MEGF9: variants seen among roughly 807,000 people sequenced by gnomAD.
MEGF9 encodes multiple EGF like domains 9.
In MEGF9, 6 loss-of-function variants were observed where a neutral mutation model predicts 46.8. The observed-to-expected ratio is 0.13, with a 90% CI of 0.07 to 0.25. MEGF9 has a LOEUF of 0.25. Ranked by LOEUF, MEGF9 falls within the 10% of genes least tolerant of loss-of-function variation. The pLI is 1.00. For synonymous variants in MEGF9, 302 were observed against 330.7 expected, an observed-to-expected ratio of 0.91 and a Z score of 0.94; for missense variants, 683 against 792.4, an observed-to-expected ratio of 0.86 and a Z score of 1.66.
intron 2 of MEGF9, among the ~76,000 whole-genome samples, chr9:120,636,080 T>G (rs1246227127): frequency 1.3e-5 from 2 of 152,154 alleles, no homozygotes; most frequent in African/African-American, 2.4e-5. Context: ...AATTAACACG[T>G]GTATGTCACC....
At chr9:120,702,718 T>A (rs376127300) in intron 1 of MEGF9, among the ~76,000 whole-genome samples, 1 of 152,126 alleles carries the variant, frequency 6.6e-6, no homozygotes, top group East Asian at 1.9e-4. Flanking sequence ...GAAGAGCTGA[T>A]GTAAGTGGGG....
At position 120,714,054 on chromosome 9, in the gene MEGF9, G is replaced by T; in HGVS notation, c.305C>A (p.Thr102Asn). The change falls in exon 1 of 6, where the codon ACC becomes AAC. Residue 102 changes from threonine to asparagine, a missense_variant. Coordinates refer to ENST00000373930, the MANE Select transcript of MEGF9 (RefSeq NM_001080497.3). ...TCCAGCAGTCGCCCAAAGAGGGGTGGTCTCCGGGGACTGGGCTGGAGAAGT... is the reference window on the plus strand; with the variant it reads ...TCCAGCAGTCGCCCAAAGAGGGGTGTTCTCCGGGGACTGGGCTGGAGAAGT... ...AATSPAQSPE[T>N]TPLWATAGPS... 1 of 1,303,570 alleles carries T rather than the reference G, an allele frequency of 7.7e-7. No homozygotes were observed. Among genetic ancestry groups the T allele is most frequent in the Non-Finnish European group, 9.8e-7 (1 of 1,023,694 alleles). The allele number at this position is 1,303,570 out of a possible 1,614,324, so 80.8% of individuals were successfully genotyped here. A position where few individuals can be genotyped will look rare whatever the true frequency, so the allele number is the denominator to read the frequency against.
chr9:120,666,232 C>A (rs1451331622), intron 1 of MEGF9, among the ~76,000 whole-genome samples: 1 of 152,002 alleles, frequency 6.6e-6, no homozygotes, highest in East Asian at 1.9e-4. Flanking sequence ...ATACAAAAAA[C>A]CTGTATTAAG....
chr9:120,702,855 G>C (rs757613199), intron 1 of MEGF9, among the ~76,000 whole-genome samples: 14 of 152,250 alleles, frequency 9.2e-5, no homozygotes, highest in Admixed American at 3.3e-4. Context: ...AAATAATACT[G>C]TTTAAAAATC....
At chr9:120,659,330 T>C in intron 2 of MEGF9, 44 bp downstream of exon 2, 2 of 1,560,508 alleles carry the variant, frequency 1.3e-6, no homozygotes, top group African/African-American at 1.4e-5. Flanking sequence ...TTTTTTCCCC[T>C]TGCTAAAATA....
At chr9:120,643,203 C>T (rs1394270156) in intron 2 of MEGF9, among the ~76,000 whole-genome samples, 1 of 151,274 alleles carries the variant, frequency 6.6e-6, no homozygotes, top group Admixed American at 6.6e-5. Flanking sequence ...TCTCCATCCT[C>T]TAGGAAACAT....
intron 1 of MEGF9, among the ~76,000 whole-genome samples, chr9:120,684,698 C>T (rs1272950349): frequency 6.6e-6 from 1 of 152,226 alleles, no homozygotes; most frequent in East Asian, 1.9e-4. Context: ...CTGATCATTC[C>T]TGCTCTTGCA....
chr9:120,672,889 G>A (rs1174251678), intron 1 of MEGF9, among the ~76,000 whole-genome samples: 1 of 152,162 alleles, frequency 6.6e-6, no homozygotes, highest in Non-Finnish European at 1.5e-5. Flanking sequence ...CGGGTGTGGT[G>A]GTGCATGCCT....
At chr9:120,674,171 G>C (rs148872677) in intron 1 of MEGF9, among the ~76,000 whole-genome samples, 1 of 152,242 alleles carries the variant, frequency 6.6e-6, no homozygotes, top group East Asian at 1.9e-4. Flanking sequence ...GAAATACTTT[G>C]TTCTTCAAAA....
At chr9:120,672,234 T>C (rs2043752239) in intron 1 of MEGF9, among the ~76,000 whole-genome samples, 1 of 152,056 alleles carries the variant, frequency 6.6e-6, no homozygotes, top group Non-Finnish European at 1.5e-5. Flanking sequence ...AAAATCATAT[T>C]AGAAGTCCTA....
rs1313292513 is a variant in MEGF9 at position 120,618,897 on chromosome 9, C to CA, written c.943+3718dup. On this transcript the variant is annotated intron_variant, in intron 3 of 5. Coordinates refer to ENST00000373930, the MANE Select transcript of MEGF9 (RefSeq NM_001080497.3). ...CTGGTGACAGAGCAAGACTCGGTCT[C>CA]AAAAAAAAAAAAAAGATTTTTAGTA... Among the ~76,000 whole-genome samples the CA allele has an allele frequency of 2.5e-3, 257 of 104,066 alleles. 1 individual carries two copies. Among genetic ancestry groups the CA allele is most frequent in the East Asian group, 7.5e-3 (27 of 3,616 alleles). 68.3% of individuals were successfully genotyped at this position (104,066 alleles called of 152,430 possible).
Position 120,714,313 on chromosome 9 carries a change from C to A in MEGF9, c.46G>T (p.Gly16Cys). ...ERAMRSLPSL[G>C]GLALLCCAAA... ...GCGCAGCACAACAGGGCGAGGCCGC[C>A]CAGGCTCGGCAGGCTCCTCATGGCG... Residue 16 changes from glycine to cysteine, a missense_variant, in exon 1 of 6, where the codon GGC becomes TGC. Around this residue, in one of 2 missense-constraint regions of MEGF9, gnomAD observed 370 missense variants for 371.3 expected, o/e 1.00. Coordinates refer to ENST00000373930, the MANE Select transcript of MEGF9 (RefSeq NM_001080497.3). 7.4e-7 allele frequency: 1 copy of A among 1,344,474 alleles called. No homozygotes were observed. The highest frequency in any genetic ancestry group is 9.6e-7 in the Non-Finnish European group (1 of 1,047,110). 83.3% of individuals were successfully genotyped at this position (1,344,474 alleles called of 1,614,324 possible).
chr9:120,706,327 G>A (rs2043928758), intron 1 of MEGF9, among the ~76,000 whole-genome samples: 1 of 152,048 alleles, frequency 6.6e-6, no homozygotes, highest in South Asian at 2.1e-4. Context: ...CTAATGTTCT[G>A]GAGTTTATGC....
intron 3 of MEGF9, among the ~76,000 whole-genome samples, chr9:120,621,061 G>T (rs1333146988): frequency 1.3e-5 from 2 of 152,154 alleles, no homozygotes; most frequent in East Asian, 3.8e-4. Flanking sequence ...TCCAAGGAAG[G>T]ATACTTAATT....
At position 120,622,618 on chromosome 9, in the gene MEGF9, G is replaced by C; in HGVS notation, c.941C>G (p.Thr314Arg). 10 of 1,613,578 alleles carry C rather than the reference G, an allele frequency of 6.2e-6. No individual in the cohort carries two copies. The highest frequency in any genetic ancestry group is 8.5e-6 in the Non-Finnish European group (10 of 1,179,794). Residue 314 changes from threonine (T) to arginine (R), a missense_variant and splice_region_variant, in exon 3 of 6, where the codon ACA becomes AGA. Thr to Arg is a moderately conservative substitution (Grantham distance 71). Transcript: ENST00000373930. ...ACAAAGTTAAGGAAAGTACGTACCT[G>C]TGAGGGCATCGCAACTGGCAGACCG... is the stretch of plus-strand genomic sequence containing the variant. ...NNRSASCDALTGACLNCQENS... is the reference protein window; with the variant it reads ...NNRSASCDALRGACLNCQENS...
intron 2 of MEGF9, among the ~76,000 whole-genome samples, chr9:120,628,899 C>A (rs1179598839): frequency 1.3e-5 from 2 of 152,156 alleles, no homozygotes; most frequent in African/African-American, 4.8e-5. Flanking sequence ...GAAACAATAA[C>A]CACCTCTCAA....
At chr9:120,693,292 A>AAAAAG (rs781577309) in intron 1 of MEGF9, among the ~76,000 whole-genome samples, 41 of 147,534 alleles carry the variant, frequency 2.8e-4, no homozygotes, top group Non-Finnish European at 3.9e-4. Flanking sequence ...AAAAAAAAAA[A>AAAAAG]AAGAAGAAGA....
At chr9:120,652,142 GCACACA>G (rs869130385) in intron 2 of MEGF9, among the ~76,000 whole-genome samples, 1,125 of 25,922 alleles carry the variant, frequency 0.043, 57 homozygotes, top group Non-Finnish European at 0.059. Context: ...AAACAAACAA[GCACACA>G]CACACACACA....
At chr9:120,703,100 A>G (rs1182019846) in intron 1 of MEGF9, among the ~76,000 whole-genome samples, 3 of 152,242 alleles carry the variant, frequency 2.0e-5, no homozygotes, top group African/African-American at 7.2e-5. Flanking sequence ...AATCATTAAT[A>G]TAATAAGCTG....
Sources: gnomAD v4.1 joint callset for allele counts (sites outside exome capture counted in the v4.1 genomes callset) on GRCh38, gnomAD v4.1.1 for gene constraint, gnomAD v4.1.1 regional missense constraint, MANE v1.5 for transcripts, NCBI Gene and HGNC (gene_info 2026-07-23, HGNC 2026-07-21) for gene names.